The following CAPN7 variants were observed in gnomAD, a reference collection of about 807,000 sequenced individuals.
The protein encoded by CAPN7 is calpain 7.
CAPN7 carries 72 observed loss-of-function variants against 115.2 expected under a neutral mutation model. The ratio of observed to expected loss-of-function variants is 0.63; its 90% CI spans 0.52 to 0.76. CAPN7 has a LOEUF of 0.76. Ranked by LOEUF, CAPN7 falls within the 30% of genes least tolerant of loss-of-function variation. The probability of loss-of-function intolerance (pLI) is 0.00; values close to 1 mark genes in which losing one functional copy is unlikely to be tolerated. For synonymous variants in CAPN7, 344 were observed against 322.3 expected (o/e 1.07, Z -0.72); for missense variants, 905 against 971.5 (o/e 0.93, Z 0.91).
intron 2 of CAPN7, among the ~76,000 whole-genome samples, 197 bp downstream of exon 2, chr3:15,212,409 T>G (rs762924447): frequency 2.6e-5 from 4 of 152,238 alleles, no homozygotes; most frequent in Non-Finnish European, 5.9e-5. Context: ...AGGAACCTTA[T>G]AGACAATATA....
chr3:15,245,723 T>C lies in CAPN7; in HGVS notation c.2010+52T>C, dbSNP rs774797167. ...AAACACAGTAATATAAAGTATGTAA[T>C]ATGCTCTGCTTTGTAAGTGGTATTA... On this transcript the variant is annotated intron_variant, in intron 17 of 20. Transcript: ENST00000253693. 11 of 1,496,196 alleles carry C rather than the reference T, an allele frequency of 7.4e-6. No individual in the cohort carries two copies. In the South Asian group the frequency reaches 1.0e-4, roughly 14 times the overall value. The allele number at this position is 1,496,196 out of a possible 1,614,324, so 92.7% of individuals were successfully genotyped here.
At chr3:15,243,289 T>C (rs145567461) in intron 16 of CAPN7, among the ~76,000 whole-genome samples, 1 of 152,310 alleles carries the variant, frequency 6.6e-6, no homozygotes, top group Non-Finnish European at 1.5e-5. Context: ...CACATGAGGT[T>C]CTGTACACCA....
intron 3 of CAPN7, 21 bp downstream of exon 3, chr3:15,217,603 C>G (rs150164519): frequency 2.5e-4 from 390 of 1,587,376 alleles, no homozygotes; most frequent in Admixed American, 8.6e-4. Context: ...CTACAAATTA[C>G]GTTTGATGAG....
intron 19 of CAPN7, 69 bp from the exon 20 acceptor site, chr3:15,250,858 TCAGA>T (rs2125023027): frequency 9.3e-7 from 1 of 1,071,122 alleles, no homozygotes; most frequent in Non-Finnish European, 1.4e-6. Flanking sequence ...CATCTGCACT[TCAGA>T]TAAAGTTATT....
At chr3:15,249,612 A>G (rs1160926607) in intron 19 of CAPN7, among the ~76,000 whole-genome samples, 1 of 151,958 alleles carries the variant, frequency 6.6e-6, no homozygotes, top group Non-Finnish European at 1.5e-5. Context: ...TTTTTTCTAA[A>G]TTTTTTGTTA....
In CAPN7 at chr3:15,218,550, A is replaced by G. The variant is rs537958650; in HGVS notation, c.437+10A>G. On this transcript the variant is annotated intron_variant, in intron 4 of 20. Coordinates refer to ENST00000253693, the MANE Select transcript of CAPN7 (RefSeq NM_014296.3). ...GACAGGCACTAGACAGGTGAGTTTG[A>G]TCTCTCAAGTTCTAATCCATGGATG... is the stretch of plus-strand genomic sequence containing the variant. 1.2e-6 allele frequency: 2 copies of G among 1,603,182 alleles called. No individual in the cohort carries two copies. Among genetic ancestry groups the G allele is most frequent in the South Asian group, 1.1e-5 (1 of 90,568 alleles).
chr3:15,215,791 G>C (rs1361285435), intron 2 of CAPN7, among the ~76,000 whole-genome samples: 1 of 152,164 alleles, frequency 6.6e-6, no homozygotes, highest in South Asian at 2.1e-4. Context: ...AAATAATGCA[G>C]TTAAGAACAT....
intron 12 of CAPN7, among the ~76,000 whole-genome samples, chr3:15,236,338 A>C (rs974227088): frequency 6.6e-6 from 1 of 152,190 alleles, no homozygotes; most frequent in African/African-American, 2.4e-5. Context: ...ATTTGACTTC[A>C]TTACTTCTGA....
At chr3:15,218,688 A>G (rs184248188) in intron 4 of CAPN7, 148 bp downstream of exon 4, 237 of 661,546 alleles carry the variant, frequency 3.6e-4, no homozygotes, top group African/African-American at 3.2e-3. Flanking sequence ...TTCTTAGTGA[A>G]TTTACCTCCT....
At chr3:15,220,554 C>T (rs1393977891) in intron 4 of CAPN7, among the ~76,000 whole-genome samples, 1 of 152,130 alleles carries the variant, frequency 6.6e-6, no homozygotes. Context: ...TGTATGGTGT[C>T]TGATTATGTA....
At chr3:15,226,320 C>G (rs897573532) in intron 6 of CAPN7, among the ~76,000 whole-genome samples, 1 of 151,978 alleles carries the variant, frequency 6.6e-6, no homozygotes, top group Non-Finnish European at 1.5e-5. Context: ...GTGATCCGCC[C>G]GCCTCAGCCT....
intron 1 of CAPN7, among the ~76,000 whole-genome samples, chr3:15,207,548 CTTT>C (rs1452399076): frequency 3.9e-5 from 6 of 152,046 alleles, no homozygotes; most frequent in Non-Finnish European, 7.4e-5. Context: ...ATTTTCTTAA[CTTT>C]TTAACTCTTT....
intron 19 of CAPN7, 65 bp from the exon 20 acceptor site, chr3:15,250,866 A>G (rs766942003): frequency 1.5e-5 from 18 of 1,168,026 alleles, no homozygotes; most frequent in Non-Finnish European, 2.3e-5. Context: ...CTTCAGATAA[A>G]GTTATTTTAA....
At chr3:15,208,758 TAAATC>T (rs1169689986) in intron 1 of CAPN7, among the ~76,000 whole-genome samples, 2 of 152,202 alleles carry the variant, frequency 1.3e-5, no homozygotes, top group Non-Finnish European at 2.9e-5. Flanking sequence ...ACAGAATTGA[TAAATC>T]AAAGGGTATG....
rs145876542 is a variant in CAPN7 at position 15,234,073 on chromosome 3, T to G, written c.1286+100T>G. The G allele has an allele frequency of 9.3e-3, 5,822 of 624,450 alleles. 45 individuals carry two copies. Among genetic ancestry groups the G allele is most frequent in the Middle Eastern group, 0.015 (37 of 2,538 alleles). The allele number at this position is 624,450 out of a possible 1,614,324, so 38.7% of individuals were successfully genotyped here. Reference sequence around the variant, plus strand: ...GGTCATGCCTGTAATCCCAGCACTATGGGAGGCCAAGGCAGGCAGATGACC... The same window carrying G: ...GGTCATGCCTGTAATCCCAGCACTAGGGGAGGCCAAGGCAGGCAGATGACC... On this transcript the variant is annotated intron_variant, in intron 11 of 20. Transcript: ENST00000253693.
At chr3:15,241,332 T>G (rs13318255) in intron 14 of CAPN7, 121 bp from the exon 15 acceptor site, 1 of 961,124 alleles carries the variant, frequency 1.0e-6, no homozygotes, top group African/African-American at 1.6e-5. Context: ...GCCAAAAAAA[T>G]TTAAAAACAG....
At chr3:15,220,577 A>T (rs556136553) in intron 4 of CAPN7, among the ~76,000 whole-genome samples, 2 of 152,314 alleles carry the variant, frequency 1.3e-5, no homozygotes, top group East Asian at 3.9e-4. Flanking sequence ...TGCTTAATTA[A>T]TGTTGTCAAT....
intron 6 of CAPN7, among the ~76,000 whole-genome samples, chr3:15,224,221 AT>A (rs770911050): frequency 7.9e-5 from 12 of 152,150 alleles, no homozygotes; most frequent in South Asian, 2.1e-4. Flanking sequence ...AGGAAAAAAA[AT>A]GTTCCCATTA....
chr3:15,229,076 CT>C lies in CAPN7; in HGVS notation c.938+20del. On this transcript the variant is annotated intron_variant, in intron 8 of 20. Coordinates refer to ENST00000253693, the MANE Select transcript of CAPN7 (RefSeq NM_014296.3). ...AATTACCGGGTAAAAATGTGTCTCTCTTTACCTCTTTTTGTGTAATTGTCCC... is the reference window on the plus strand; with the variant it reads ...AATTACCGGGTAAAAATGTGTCTCTCTTACCTCTTTTTGTGTAATTGTCCC... 6.4e-7 allele frequency: 1 copy of C among 1,558,366 alleles called. No individual in the cohort carries two copies. Among genetic ancestry groups the C allele is most frequent in the Non-Finnish European group, 8.8e-7 (1 of 1,130,434 alleles).
Sources: allele counts gnomAD v4.1 joint callset (sites outside exome capture counted in the v4.1 genomes callset), GRCh38; gene constraint gnomAD v4.1.1; transcripts MANE v1.5; gene names NCBI Gene and HGNC (gene_info 2026-07-23, HGNC 2026-07-21).